Variants in RYR2 observed in about 807,000 individuals in gnomAD.
The protein encoded by RYR2 is ryanodine receptor 2.
RYR2 carries 227 observed loss-of-function variants against 601.1 expected under a neutral mutation model. That is an observed-to-expected ratio of 0.38 (90% CI 0.34 to 0.42). The LOEUF is 0.42. RYR2 is among the 10% of genes least tolerant of loss of function. The pLI, the probability that RYR2 is intolerant of heterozygous loss-of-function variation, is 1.00. For missense variants in RYR2, 4,646 were observed against 6,156.5 expected (o/e 0.75, Z 8.21); for synonymous variants, 2,223 against 2,175.1 (o/e 1.02, Z -0.61).
At chr1:237,390,659 G>A (rs762390446) in intron 10 of RYR2, among the ~76,000 whole-genome samples, 2 of 152,160 alleles carry the variant, frequency 1.3e-5, no homozygotes, top group Non-Finnish European at 2.9e-5. Flanking sequence ...CTGGATCCAA[G>A]AGGATCCTTT....
intron 1 of RYR2, among the ~76,000 whole-genome samples, chr1:237,194,372 T>C (rs995878754): frequency 1.3e-5 from 2 of 152,178 alleles, no homozygotes; most frequent in Admixed American, 6.5e-5. Context: ...CCCACCGTAC[T>C]ATACATGAGT....
Position 237,614,892 on chromosome 1 carries a change from AG to A in RYR2, c.5715+51del. Reference sequence around the variant, plus strand: ...TGAATTTCAGAATTGCTAAGCATTAAGGTATTAGAACATGCCTTTGTTTCTT... The same window carrying A: ...TGAATTTCAGAATTGCTAAGCATTAAGTATTAGAACATGCCTTTGTTTCTT... On this transcript the variant is annotated intron_variant, in intron 37 of 104. Transcript: ENST00000366574. This position sits in a 1 kb window ranked among gnomAD's most constrained non-coding sequence, Gnocchi z 4.3. 6.6e-7 allele frequency: 1 copy of A among 1,503,984 alleles called. No individual in the cohort carries two copies. Among genetic ancestry groups the A allele is most frequent in the Non-Finnish European group, 8.9e-7 (1 of 1,123,300 alleles). 93.2% of individuals were successfully genotyped at this position (1,503,984 alleles called of 1,614,324 possible). A position where few individuals can be genotyped will look rare whatever the true frequency, so the allele number is the denominator to read the frequency against.
At chr1:237,515,179 C>G (rs1026970911) in intron 24 of RYR2, among the ~76,000 whole-genome samples, 1 of 152,148 alleles carries the variant, frequency 6.6e-6, no homozygotes, top group South Asian at 2.1e-4. Flanking sequence ...GCAGATCATG[C>G]CTGCCAGATG....
intron 41 of RYR2, among the ~76,000 whole-genome samples, chr1:237,629,157 A>G (rs1417397284): frequency 6.6e-6 from 1 of 152,184 alleles, no homozygotes; most frequent in East Asian, 1.9e-4. Flanking sequence ...TGATTTATAC[A>G]TGTATAAATC....
At chr1:237,207,613 A>C (rs551166023) in intron 1 of RYR2, among the ~76,000 whole-genome samples, 62 of 152,274 alleles carry the variant, frequency 4.1e-4, no homozygotes, top group Non-Finnish European at 7.8e-4. Flanking sequence ...ATGCAGTAAG[A>C]AGCCCTCACC....
intron 12 of RYR2, among the ~76,000 whole-genome samples, chr1:237,437,436 A>G (rs1707514915): frequency 6.6e-6 from 1 of 152,176 alleles, no homozygotes; most frequent in Non-Finnish European, 1.5e-5. Flanking sequence ...TCATAATGGG[A>G]GTAGTTTGTC....
chr1:237,377,348 C>T lies in RYR2; in HGVS notation c.489C>T (p.His163=). The T allele has an allele frequency of 6.2e-7, 1 of 1,613,144 alleles. No homozygotes were observed. The highest frequency in any genetic ancestry group is 8.5e-7 in the Non-Finnish European group (1 of 1,179,396). ...GGGAGGCTTGTTGGTGGACCATACA[C>T]CCTGCCTCTAAGCAGCGATCAGAAG... is the stretch of plus-strand genomic sequence containing the variant. ...TTGEACWWTI[H]PASKQRSEGE... The change falls in exon 8 of 105, where the codon CAC becomes CAT. Residue 163 remains histidine, a synonymous_variant. Coordinates refer to ENST00000366574, the MANE Select transcript of RYR2 (RefSeq NM_001035.3).
At chr1:237,202,027 G>A (rs1007887557) in intron 1 of RYR2, among the ~76,000 whole-genome samples, 20 of 152,276 alleles carry the variant, frequency 1.3e-4, no homozygotes, top group African/African-American at 2.6e-4. Context: ...TAAAATGTTC[G>A]TAGAGAAATG....
chr1:237,205,211 A>C (rs1681669460), intron 1 of RYR2, among the ~76,000 whole-genome samples: 1 of 152,208 alleles, frequency 6.6e-6, no homozygotes, highest in South Asian at 2.1e-4. Context: ...CAAATGGGCT[A>C]CGCTGGTTGG....
chr1:237,153,276 T>C (rs1441371564), intron 1 of RYR2, among the ~76,000 whole-genome samples: 1 of 152,178 alleles, frequency 6.6e-6, no homozygotes, highest in African/African-American at 2.4e-5. Flanking sequence ...ATTAAAGGTT[T>C]CTAGTGTTGG....
chr1:237,168,756 G>A (rs770291798), intron 1 of RYR2, among the ~76,000 whole-genome samples: 2 of 152,100 alleles, frequency 1.3e-5, no homozygotes, highest in Non-Finnish European at 2.9e-5. Flanking sequence ...GTTATACGCC[G>A]CTTTCAGATG....
At chr1:237,325,324 A>T (rs1051103930) in intron 2 of RYR2, among the ~76,000 whole-genome samples, 2 of 152,210 alleles carry the variant, frequency 1.3e-5, no homozygotes, top group African/African-American at 4.8e-5. Flanking sequence ...AAGCTAATCT[A>T]TATATTTCTA....
intron 35 of RYR2, among the ~76,000 whole-genome samples, chr1:237,606,596 C>T (rs1337994861): frequency 6.6e-6 from 1 of 152,152 alleles, no homozygotes; most frequent in Non-Finnish European, 1.5e-5. Context: ...AGAGCTTCTG[C>T]ACAGCAAAAG....
chr1:237,366,398 C>A (rs1700194681), intron 5 of RYR2, among the ~76,000 whole-genome samples: 1 of 152,028 alleles, frequency 6.6e-6, no homozygotes, highest in Non-Finnish European at 1.5e-5. Context: ...TTGTGTGATT[C>A]ACTACTTATT....
At chr1:237,793,419 G>A (rs889689450) in intron 94 of RYR2, among the ~76,000 whole-genome samples, 8 of 152,178 alleles carry the variant, frequency 5.3e-5, no homozygotes, top group Non-Finnish European at 1.0e-4. Context: ...TCTCAAAATA[G>A]TATGTGGTGA....
chr1:237,306,764 G>A lies in RYR2; in HGVS notation c.169-24114G>A, dbSNP rs138821127. Among the ~76,000 whole-genome samples the A allele has an allele frequency of 5.2e-4, 79 of 152,200 alleles. No individual in the cohort carries two copies. The East Asian group carries it at 0.015, about 28-fold the overall frequency. ...GGAACTTTAGAAATAATTTTACGTC[G>A]TCTGCTGGTTTCATCTTGAAGAATT... On this transcript the variant is annotated intron_variant, in intron 2 of 104. Coordinates refer to ENST00000366574, the MANE Select transcript of RYR2 (RefSeq NM_001035.3).
chr1:237,534,542 C>T (rs1016221430), intron 25 of RYR2, among the ~76,000 whole-genome samples: 8 of 151,902 alleles, frequency 5.3e-5, no homozygotes, highest in South Asian at 2.1e-4. Context: ...ACACTGATAT[C>T]GTAAAGATCA....
At chr1:237,103,987 T>A (rs1410593228) in intron 1 of RYR2, among the ~76,000 whole-genome samples, 1 of 152,040 alleles carries the variant, frequency 6.6e-6, no homozygotes, top group Non-Finnish European at 1.5e-5. Context: ...CATGCCTTTA[T>A]CAGTCTGTGT....
intron 10 of RYR2, among the ~76,000 whole-genome samples, chr1:237,394,195 T>A (rs544770380): frequency 1.3e-5 from 2 of 152,344 alleles, no homozygotes. Flanking sequence ...TCCAGATGCC[T>A]TTATGGTTGT....
Sources: allele counts gnomAD v4.1 joint callset (sites outside exome capture counted in the v4.1 genomes callset), GRCh38; gene constraint gnomAD v4.1.1; non-coding constraint Gnocchi (gnomAD v3.1); transcripts MANE v1.5; gene names NCBI Gene and HGNC (gene_info 2026-07-23, HGNC 2026-07-21).